CERS6: variants seen among roughly 807,000 people sequenced by gnomAD.
CERS6 encodes the protein LAG1 homolog, ceramide synthase 6.
CERS6 carries 26 observed loss-of-function variants against 56.8 expected under a neutral mutation model. The observed-to-expected ratio is 0.46, with a 90% CI of 0.34 to 0.63. The LOEUF (loss-of-function observed/expected upper bound fraction) is 0.63. Among genes scored for constraint, CERS6 ranks in the 30% least tolerant of loss-of-function variants. The probability of loss-of-function intolerance (pLI) is 0.01; values close to 1 mark genes in which losing one functional copy is unlikely to be tolerated. For synonymous variants in CERS6, 164 were observed against 173.3 expected, an observed-to-expected ratio of 0.95 and a Z score of 0.42; for missense variants, 415 against 467.5, an observed-to-expected ratio of 0.89 and a Z score of 1.04.
intron 2 of CERS6, among the ~76,000 whole-genome samples, chr2:168,552,334 C>A (rs371377915): frequency 7.1e-6 from 1 of 141,662 alleles, no homozygotes; most frequent in Admixed American, 7.4e-5. Context: ...AAACCCCCAC[C>A]CTACATACAG....
intron 1 of CERS6, among the ~76,000 whole-genome samples, chr2:168,490,363 G>C (rs1694348515): frequency 6.6e-6 from 1 of 152,124 alleles, no homozygotes; most frequent in African/African-American, 2.4e-5. Flanking sequence ...AGTGGCTCAG[G>C]CTGCTGTCCT....
chr2:168,730,206 T>C (rs1344556145), intron 8 of CERS6, among the ~76,000 whole-genome samples: 2 of 152,236 alleles, frequency 1.3e-5, no homozygotes, highest in Non-Finnish European at 2.9e-5. Context: ...ATGGAAACAG[T>C]ACTGCCTTTA....
intron 4 of CERS6, chr2:168,644,032 G>A: frequency 2.1e-6 from 2 of 935,436 alleles, no homozygotes; most frequent in Non-Finnish European, 2.5e-6. Flanking sequence ...ATTTTGTTAA[G>A]AACTGATATA....
In CERS6 at chr2:168,730,107, G is replaced by A. The variant is rs138826976; in HGVS notation, c.845+12129G>A. ...CTTAAGATACGGAATCGGCCCAGTC[G>A]AAGAAGACAGACAAGAGTGACTTAG... On this transcript the variant is annotated intron_variant, in intron 8 of 9. Coordinates refer to ENST00000305747, the MANE Select transcript of CERS6 (RefSeq NM_203463.3). Among the ~76,000 whole-genome samples the A allele has an allele frequency of 3.2e-4, 48 of 152,294 alleles. No homozygotes were observed. The East Asian group carries it at 9.1e-3, about 29-fold the overall frequency.
At chr2:168,499,143 A>T (rs1574024860) in intron 1 of CERS6, among the ~76,000 whole-genome samples, 1 of 152,284 alleles carries the variant, frequency 6.6e-6, no homozygotes, top group Non-Finnish European at 1.5e-5. Context: ...CTGTCCCTTG[A>T]TGGGACCCCT....
intron 4 of CERS6, among the ~76,000 whole-genome samples, chr2:168,662,127 C>CTTTTTTTTTTT (rs71397658): frequency 7.3e-6 from 1 of 136,814 alleles, no homozygotes; most frequent in African/African-American, 2.8e-5. Flanking sequence ...AAGGCTGTCT[C>CTTTTTTTTTTT]TTTTTTTTTT....
chr2:168,769,073 G>GAGTT (rs1354705380), intron 9 of CERS6, among the ~76,000 whole-genome samples: 3 of 151,406 alleles, frequency 2.0e-5, no homozygotes, highest in Admixed American at 6.6e-5. Flanking sequence ...TCAGTGTTCT[G>GAGTT]AGTTAGTGAC....
intron 4 of CERS6, among the ~76,000 whole-genome samples, chr2:168,657,912 T>C (rs948528144): frequency 6.6e-6 from 1 of 152,168 alleles, no homozygotes; most frequent in Non-Finnish European, 1.5e-5. Context: ...ACTGAAGGGC[T>C]CCTCAAATGC....
chr2:168,599,948 T>C (rs563061924), intron 3 of CERS6, among the ~76,000 whole-genome samples: 3 of 152,336 alleles, frequency 2.0e-5, no homozygotes, highest in East Asian at 3.9e-4. Flanking sequence ...GGGTAAAATC[T>C]GACTTCCCCT....
intron 8 of CERS6, among the ~76,000 whole-genome samples, chr2:168,724,205 G>C (rs1188406605): frequency 1.3e-5 from 2 of 152,090 alleles, no homozygotes; most frequent in Admixed American, 6.5e-5. Context: ...TTCGCAGTGA[G>C]TGTTACAGCT....
intron 4 of CERS6, among the ~76,000 whole-genome samples, chr2:168,679,946 T>G (rs1435708831): frequency 6.6e-6 from 1 of 152,200 alleles, no homozygotes; most frequent in South Asian, 2.1e-4. Flanking sequence ...GATGACTGAT[T>G]AGGAAAATCA....
intron 4 of CERS6, among the ~76,000 whole-genome samples, chr2:168,675,121 A>C (rs1170445105): frequency 6.6e-6 from 1 of 151,716 alleles, no homozygotes; most frequent in Non-Finnish European, 1.5e-5. Context: ...CTACAGGCGC[A>C]CACCACCACA....
intron 1 of CERS6, among the ~76,000 whole-genome samples, chr2:168,481,241 C>G (rs900362495): frequency 6.6e-6 from 1 of 152,118 alleles, no homozygotes; most frequent in Non-Finnish European, 1.5e-5. Context: ...TGGTGTAACC[C>G]CGTCTCAACT....
chr2:168,657,578 T>G (rs1308136617), intron 4 of CERS6, among the ~76,000 whole-genome samples: 1 of 152,252 alleles, frequency 6.6e-6, no homozygotes, highest in Non-Finnish European at 1.5e-5. Flanking sequence ...TCCCGAGCCC[T>G]GCCCCGTGGG....
In CERS6 at chr2:168,539,855, G is replaced by A. The variant is rs183349907; in HGVS notation, c.171-7741G>A. Among the ~76,000 whole-genome samples, 6 of 152,232 alleles carry A rather than the reference G, an allele frequency of 3.9e-5. No homozygotes were observed. The East Asian group carries it at 1.2e-3, about 29-fold the overall frequency. On this transcript the variant is annotated intron_variant, in intron 1 of 9. Transcript: ENST00000305747. ...AGGTTTTTTTCTGGCACAGTTTGGT[G>A]TGGGAATATGTTATTTCTCATAATT... is the stretch of plus-strand genomic sequence containing the variant.
intron 3 of CERS6, among the ~76,000 whole-genome samples, chr2:168,608,541 A>T (rs1416459238): frequency 6.6e-6 from 1 of 152,222 alleles, no homozygotes; most frequent in East Asian, 1.9e-4. Flanking sequence ...ATCCTCAAAA[A>T]CATTGCTATT....
intron 4 of CERS6, among the ~76,000 whole-genome samples, chr2:168,683,953 G>A (rs755625539): frequency 4.1e-4 from 62 of 152,100 alleles, no homozygotes; most frequent in Admixed American, 2.4e-3. Flanking sequence ...TGCCACTCAC[G>A]TTTTCCATCT....
chr2:168,549,705 A>G (rs888281958), intron 2 of CERS6, among the ~76,000 whole-genome samples: 3 of 152,196 alleles, frequency 2.0e-5, no homozygotes, highest in Non-Finnish European at 2.9e-5. Flanking sequence ...TTTAGTTTCC[A>G]AGGTGATTCC....
At chr2:168,684,376 G>C (rs1686293537) in intron 4 of CERS6, among the ~76,000 whole-genome samples, 1 of 152,168 alleles carries the variant, frequency 6.6e-6, no homozygotes, top group African/African-American at 2.4e-5. Context: ...GTTTCTTCAA[G>C]CTGAGAGACT....
Sources: allele counts gnomAD v4.1 joint callset (sites outside exome capture counted in the v4.1 genomes callset), GRCh38; gene constraint gnomAD v4.1.1; transcripts MANE v1.5; gene names NCBI Gene and HGNC (gene_info 2026-07-23, HGNC 2026-07-21).